RGS22: variants seen among roughly 807,000 people sequenced by gnomAD.
RGS22 encodes the protein regulator of G protein signaling 22, also known as regulator of G-protein signaling 22.
A neutral mutation model predicts 172.9 loss-of-function variants in RGS22; 148 were observed. That is an observed-to-expected ratio of 0.86 (90% confidence interval 0.75 to 0.98). RGS22 has a LOEUF of 0.98. Ranked by LOEUF, RGS22 falls within the 50% of genes least tolerant of loss-of-function variation. The pLI is 0.00. For missense variants in RGS22, 1,347 were observed against 1,440.8 expected, an observed-to-expected ratio of 0.93 and a Z score of 1.05; for synonymous variants, 458 against 480.2, an observed-to-expected ratio of 0.95 and a Z score of 0.60.
chr8:100,064,020 C>T lies in RGS22; in HGVS notation c.748G>A (p.Val250Ile). 3.3e-6 allele frequency: 5 copies of T among 1,515,458 alleles called. No individual in the cohort carries two copies. The highest frequency in any genetic ancestry group is 4.4e-6 in the Non-Finnish European group (5 of 1,136,842). 93.9% of individuals were successfully genotyped at this position (1,515,458 alleles called of 1,614,324 possible). A position where few individuals can be genotyped will look rare whatever the true frequency, so the allele number is the denominator to read the frequency against. The change falls in exon 8 of 28, where the codon GTT becomes ATT. Residue 250 changes from valine (V) to isoleucine (I), a missense_variant. Transcript: ENST00000360863. ...GGGTCCTTTTTTGTCCTAGGGTGAACTCCATCATCAAAGATAAAATTCTCT... is the reference window on the plus strand; with the variant it reads ...GGGTCCTTTTTTGTCCTAGGGTGAATTCCATCATCAAAGATAAAATTCTCT... Reference protein sequence around the residue: ...VSENFIFDDGVHPRTKKDPSK... With the variant: ...VSENFIFDDGIHPRTKKDPSK...
chr8:100,024,291 G>A (rs1316765442), intron 14 of RGS22, among the ~76,000 whole-genome samples: 2 of 152,124 alleles, frequency 1.3e-5, no homozygotes, highest in Non-Finnish European at 2.9e-5. Flanking sequence ...ACAGAATGTT[G>A]ATCATTGCTG....
intron 2 of RGS22, among the ~76,000 whole-genome samples, chr8:100,104,316 C>T (rs1563738756): frequency 6.8e-6 from 1 of 147,806 alleles, no homozygotes; most frequent in Non-Finnish European, 1.5e-5. Flanking sequence ...GAGACCCTGT[C>T]TCAAAATATG....
intron 18 of RGS22, among the ~76,000 whole-genome samples, chr8:100,001,193 C>A (rs1284721586): frequency 2.3e-5 from 2 of 85,768 alleles, no homozygotes; most frequent in African/African-American, 1.0e-4. Flanking sequence ...ACCGCTGAAT[C>A]CCAATTTTTT....
At chr8:100,008,082 G>A (rs937278383) in intron 15 of RGS22, among the ~76,000 whole-genome samples, 2 of 149,910 alleles carry the variant, frequency 1.3e-5, no homozygotes, top group South Asian at 2.1e-4. Flanking sequence ...TTGGCATCCA[G>A]GCTGGAGTGC....
intron 14 of RGS22, among the ~76,000 whole-genome samples, chr8:100,034,366 T>C (rs1297995461): frequency 6.6e-6 from 1 of 152,162 alleles, no homozygotes; most frequent in Non-Finnish European, 1.5e-5. Flanking sequence ...CCATTCACAA[T>C]TGCTACACAG....
intron 4 of RGS22, among the ~76,000 whole-genome samples, chr8:100,075,921 ATCG>A (rs1811316324): frequency 6.6e-6 from 1 of 151,866 alleles, no homozygotes; most frequent in African/African-American, 2.4e-5. Flanking sequence ...AATCATAGCC[ATCG>A]TGTTGGGTGT....
Position 100,008,458 on chromosome 8 carries a change from CA to C in RGS22, c.2277del (p.Phe759LeufsTer20). 6.2e-7 allele frequency: 1 copy of C among 1,613,668 alleles called. No homozygotes were observed. Among genetic ancestry groups the C allele is most frequent in the African/African-American group, 1.3e-5 (1 of 74,954 alleles). On this transcript the variant is annotated frameshift_variant, in exon 15 of 28. Coordinates refer to ENST00000360863, the MANE Select transcript of RGS22 (RefSeq NM_015668.5). LOFTEE classifies it high-confidence loss of function. Reference sequence around the variant, plus strand: ...AGAAGGATATATTCCTCTGCTGTGTCAAAAAGGTCTTCAAATGGTGGCTGTA... The same window carrying C: ...AGAAGGATATATTCCTCTGCTGTGTCAAAAGGTCTTCAAATGGTGGCTGTA... ...MKIQPPFEDL[F>X]DTAEEYILLL... is the part of the protein sequence containing the mutation.
chr8:100,046,666 A>T, intron 11 of RGS22, among the ~76,000 whole-genome samples: 1 of 150,414 alleles, frequency 6.6e-6, no homozygotes, highest in East Asian at 1.9e-4. Flanking sequence ...GCTTAAAGGC[A>T]TCTGCGTGTT....
intron 22 of RGS22, among the ~76,000 whole-genome samples, chr8:99,980,541 C>T (rs1409539684): frequency 2.0e-5 from 3 of 152,152 alleles, no homozygotes; most frequent in South Asian, 2.1e-4. Context: ...GGGTAGGAGG[C>T]AATGCCATTC....
chr8:100,007,274 A>T (rs768467616), intron 15 of RGS22, among the ~76,000 whole-genome samples: 2 of 152,184 alleles, frequency 1.3e-5, no homozygotes, highest in Non-Finnish European at 2.9e-5. Context: ...GCCTGAAATG[A>T]CCTCAGGTAC....
Position 99,981,974 on chromosome 8 carries a change from C to A in RGS22, c.3323G>T (p.Arg1108Leu). Residue 1108 changes from arginine to leucine, a missense_variant, in exon 22 of 28, where the codon CGG becomes CTG. Coordinates refer to ENST00000360863, the MANE Select transcript of RGS22 (RefSeq NM_015668.5). ...VEQAQKIIEH[R>L]KELGPYVFRE... ...AAATACATATGGTCCTAACTCCTTC[C>A]GGTGTTCAATAATCTTCTGGGCTTG... The A allele has an allele frequency of 6.2e-7, 1 of 1,613,818 alleles. No homozygotes were observed. Among genetic ancestry groups the A allele is most frequent in the South Asian group, 1.1e-5 (1 of 91,036 alleles).
intron 11 of RGS22, among the ~76,000 whole-genome samples, chr8:100,043,570 G>C (rs1820378974): frequency 6.6e-6 from 1 of 152,144 alleles, no homozygotes; most frequent in African/African-American, 2.4e-5. Flanking sequence ...GAGGTCAGGA[G>C]TTTGAGACCA....
At chr8:99,971,869 T>G (rs1453054104) in intron 23 of RGS22, among the ~76,000 whole-genome samples, 1 of 152,150 alleles carries the variant, frequency 6.6e-6, no homozygotes, top group African/African-American at 2.4e-5. Flanking sequence ...AAGCTACCAT[T>G]GACTTTCTTC....
At chr8:100,093,248 TTTC>T in intron 3 of RGS22, 196 bp downstream of exon 3, 1 of 474,968 alleles carries the variant, frequency 2.1e-6, no homozygotes, top group Non-Finnish European at 3.8e-6. Flanking sequence ...AAACTCCAGA[TTTC>T]TTCAATAAGA....
At chr8:100,028,291 C>T (rs1386434161) in intron 14 of RGS22, among the ~76,000 whole-genome samples, 1 of 151,940 alleles carries the variant, frequency 6.6e-6, no homozygotes, top group Non-Finnish European at 1.5e-5. Context: ...ATATTTTATC[C>T]AGCATTTCTA....
chr8:100,048,508 A>T (rs999045161), intron 10 of RGS22, among the ~76,000 whole-genome samples: 2 of 152,146 alleles, frequency 1.3e-5, no homozygotes, highest in African/African-American at 4.8e-5. Flanking sequence ...TACTATATAC[A>T]TTGCAAGAAA....
At chr8:100,033,437 T>C (rs569476952) in intron 14 of RGS22, among the ~76,000 whole-genome samples, 1 of 151,906 alleles carries the variant, frequency 6.6e-6, no homozygotes, top group Admixed American at 6.6e-5. Flanking sequence ...ATAAATTCCT[T>C]GACACATACA....
At chr8:100,040,671 G>T (rs1820002604) in intron 12 of RGS22, among the ~76,000 whole-genome samples, 1 of 152,084 alleles carries the variant, frequency 6.6e-6, no homozygotes, top group African/African-American at 2.4e-5. Context: ...TACAATTTTT[G>T]AAACACAGAA....
intron 24 of RGS22, 30 bp from the exon 25 acceptor site, chr8:99,963,008 T>G (rs1588854997): frequency 6.6e-7 from 1 of 1,519,358 alleles, no homozygotes; most frequent in Non-Finnish European, 8.8e-7. Flanking sequence ...AAGTTAATTC[T>G]GAAATGTTTG....
Sources: allele counts gnomAD v4.1 joint callset (sites outside exome capture counted in the v4.1 genomes callset), GRCh38; gene constraint gnomAD v4.1.1; transcripts MANE v1.5; gene names NCBI Gene and HGNC (gene_info 2026-07-23, HGNC 2026-07-21).